The following HIP1 variants were observed in gnomAD, a reference collection of about 807,000 sequenced individuals.
HIP1 encodes huntingtin-interacting protein 1.
A neutral mutation model predicts 147.6 loss-of-function variants in HIP1; 65 were observed. The observed-to-expected ratio is 0.44, with a 90% CI of 0.36 to 0.54. HIP1 has a LOEUF of 0.54. HIP1 is among the 20% of genes least tolerant of loss of function. The pLI, the probability that HIP1 is intolerant of heterozygous loss-of-function variation, is 0.00. For missense variants in HIP1, 1,061 were observed against 1,299.6 expected, an observed-to-expected ratio of 0.82 and a Z score of 2.82; for synonymous variants, 479 against 504.0, an observed-to-expected ratio of 0.95 and a Z score of 0.67.
At chr7:75,584,170 C>T (rs979241967) in intron 5 of HIP1, among the ~76,000 whole-genome samples, 1 of 143,750 alleles carries the variant, frequency 7.0e-6, no homozygotes, top group African/African-American at 2.6e-5. Flanking sequence ...CACCATGTTG[C>T]CCAGGCTGGT....
intron 1 of HIP1, among the ~76,000 whole-genome samples, chr7:75,655,224 A>T (rs1272559477): frequency 6.6e-6 from 1 of 152,170 alleles, no homozygotes; most frequent in Non-Finnish European, 1.5e-5. Context: ...ATAGAAAGGA[A>T]TGAGGTTCTG....
chr7:75,558,235 G>A lies in HIP1; in HGVS notation c.1396C>T (p.Gln466Ter). 6.2e-7 allele frequency: 1 copy of A among 1,614,102 alleles called. No homozygotes were observed. Among genetic ancestry groups the A allele is most frequent in the Non-Finnish European group, 8.5e-7 (1 of 1,179,946 alleles). The change falls in exon 15 of 31, where the codon CAG becomes TAG. Residue 466 changes from glutamine to a stop codon, truncating the protein, a stop_gained. Coordinates refer to ENST00000336926, the MANE Select transcript of HIP1 (RefSeq NM_005338.7). LOFTEE classifies it high-confidence loss of function. ...TTCTCCTTTAGCTTGCTATATCGCT[G>A]TTCATTGGCTTGAGCTTTCCCTGTA... The part of the protein sequence containing the change: ...EIERKAQANE[Q>*]RYSKLKEKYS...
In HIP1 at chr7:75,559,899, A is replaced by G. The variant is rs1795161679; in HGVS notation, c.1208T>C (p.Leu403Pro). 1.2e-6 allele frequency: 2 copies of G among 1,606,358 alleles called. No homozygotes were observed. The highest frequency in any genetic ancestry group is 2.2e-5 in the East Asian group (1 of 44,800). ...NMKTESQRVV[L>P]QLKGHVSELE... ...CTCGCTGACGTGGCCCTTCAGCTGC[A>G]GCACAACCCGCTGGCTCTGTGGGGG... is the stretch of plus-strand genomic sequence containing the variant. Residue 403 changes from leucine (L) to proline (P), a missense_variant, in exon 14 of 31, where the codon CTG becomes CCG. By Grantham distance (98) the Leu-to-Pro change is moderately conservative (BLOSUM62 -3). Around this residue, in one of 3 missense-constraint regions of HIP1, gnomAD observed 810 missense variants for 946.8 expected, o/e 0.86. Coordinates refer to ENST00000336926, the MANE Select transcript of HIP1 (RefSeq NM_005338.7).
At chr7:75,663,947 T>TATATGTGTATATAC (rs1799400540) in intron 1 of HIP1, among the ~76,000 whole-genome samples, 2 of 104,426 alleles carry the variant, frequency 1.9e-5, no homozygotes, top group Non-Finnish European at 3.9e-5. Context: ...TATATATATA[T>TATATGTGTATATAC]ACACATATAT....
At chr7:75,542,100 G>A (rs1794345042) in intron 28 of HIP1, 120 bp from the exon 29 acceptor site, 1 of 806,072 alleles carries the variant, frequency 1.2e-6, no homozygotes. Context: ...AACACTGCAT[G>A]AAAGTAAGTG....
chr7:75,583,754 ATTT>A, intron 5 of HIP1, among the ~76,000 whole-genome samples: 1 of 83,704 alleles, frequency 1.2e-5, no homozygotes, highest in Non-Finnish European at 2.5e-5. Context: ...ATGCGGGCTA[ATTT>A]GTGTGTGTGT....
At chr7:75,685,486 G>A (rs1255757884) in intron 1 of HIP1, among the ~76,000 whole-genome samples, 1 of 152,182 alleles carries the variant, frequency 6.6e-6, no homozygotes, top group Non-Finnish European at 1.5e-5. Flanking sequence ...TTTCCACTGG[G>A]TTGCGGTTTC....
chr7:75,645,836 G>C (rs1798783681), intron 1 of HIP1, among the ~76,000 whole-genome samples: 1 of 152,202 alleles, frequency 6.6e-6, no homozygotes, highest in South Asian at 2.1e-4. Context: ...AATTAACACA[G>C]AAACAGAAAA....
chr7:75,558,315 C>CA (rs1385753419), intron 14 of HIP1, 60 bp from the exon 15 acceptor site: 1 of 1,320,092 alleles, frequency 7.6e-7, no homozygotes, highest in Non-Finnish European at 1.1e-6. Flanking sequence ...GCCTTCCTTG[C>CA]AATGAGCCAG....
At chr7:75,572,260 A>G (rs1048583128) in intron 8 of HIP1, among the ~76,000 whole-genome samples, 6 of 151,870 alleles carry the variant, frequency 4.0e-5, no homozygotes, top group African/African-American at 1.5e-4. Flanking sequence ...GAACTTCTGT[A>G]AGACCAGAAC....
In HIP1 at chr7:75,535,745, C is replaced by G. The variant is rs587627326; in HGVS notation, c.*2427G>C. ...TTTTTTTTTGAGACGGAGTTTTGCT[C>G]TTGTTGCCCAGGCTGGAGTACAATG... On this transcript the variant is annotated 3_prime_UTR_variant, in exon 31 of 31. Coordinates refer to ENST00000336926, the MANE Select transcript of HIP1 (RefSeq NM_005338.7). 13 of 169,590 alleles carry G rather than the reference C, an allele frequency of 7.7e-5. No homozygotes were observed. In the East Asian group the frequency reaches 1.3e-3, roughly 17 times the overall value. The allele number at this position is 169,590 out of a possible 1,614,324, so 10.5% of individuals were successfully genotyped here.
intron 2 of HIP1, 42 bp from the exon 3 acceptor site, chr7:75,592,556 T>TCACTGCAGGGGACTGAGCCTGCACCCAGC: frequency 3.1e-6 from 5 of 1,596,780 alleles, no homozygotes; most frequent in South Asian, 1.1e-5. Flanking sequence ...GCTCTGCCAG[T>TCACTGCAGGGGACTGAGCCTGCACCCAGC]CACTGCAGGG....
rs1554493679 is a variant in HIP1 at position 75,557,661 on chromosome 7, T to C, written c.1574A>G (p.Gln525Arg). 6.2e-7 allele frequency: 1 copy of C among 1,612,370 alleles called. No homozygotes were observed. Among genetic ancestry groups the C allele is most frequent in the East Asian group, 2.2e-5 (1 of 44,858 alleles). The change falls in exon 16 of 31, where the codon CAG becomes CGG. Residue 525 changes from glutamine to arginine, a missense_variant. By Grantham distance (43) the Gln-to-Arg change is conservative. This residue lies in a region of HIP1 where 810 missense variants were observed against 946.8 expected (regional missense o/e 0.86). Transcript: ENST00000336926. ...DSLERISDQG[Q>R]RKTQEQLEVL... ...GCTCCTCGTCCCACTCACCTTCCGC[T>C]GGCCCTGGTCACTGATGCGCTCCAA... is the stretch of plus-strand genomic sequence containing the variant.
Position 75,568,328 on chromosome 7 carries a change from A to AG in HIP1, c.746-73dup, listed in dbSNP as rs1223117498. 4.1e-6 allele frequency: 4 copies of AG among 964,068 alleles called. No individual in the cohort carries two copies. The Admixed American group carries it at 5.1e-5, about 12-fold the overall frequency. 59.7% of individuals were successfully genotyped at this position (964,068 alleles called of 1,614,324 possible). ...CAGGGAAGCCACAGCGGGGCTCTCG[A>AG]GGGGGAGGGGCCCAGCTACCCTGGG... On this transcript the variant is annotated intron_variant, in intron 8 of 30. Coordinates refer to ENST00000336926, the MANE Select transcript of HIP1 (RefSeq NM_005338.7). The surrounding 1 kb of genome is among the most constrained non-coding windows in gnomAD (Gnocchi z 4.1).
chr7:75,672,474 G>A (rs922076569), intron 1 of HIP1, among the ~76,000 whole-genome samples: 3 of 152,030 alleles, frequency 2.0e-5, no homozygotes, highest in Non-Finnish European at 4.4e-5. Flanking sequence ...CTACAGGCAT[G>A]CATCAGCACA....
chr7:75,614,183 G>A (rs587700512), intron 1 of HIP1, among the ~76,000 whole-genome samples: 1 of 152,306 alleles, frequency 6.6e-6, no homozygotes, highest in East Asian at 1.9e-4. Context: ...CTGAGTAGCT[G>A]GGATTATAGG....
At chr7:75,728,812 ACAGGGAC>A (rs1460539428) in intron 1 of HIP1, among the ~76,000 whole-genome samples, 2 of 144,896 alleles carry the variant, frequency 1.4e-5, no homozygotes, top group Non-Finnish European at 3.0e-5. Context: ...AAAAAAAAGG[ACAGGGAC>A]CAGGGACCAG....
chr7:75,662,446 C>G (rs1002925784), intron 1 of HIP1, among the ~76,000 whole-genome samples: 19 of 152,128 alleles, frequency 1.2e-4, no homozygotes, highest in African/African-American at 4.6e-4. Context: ...CCCCAGTGCT[C>G]AGACTACAAG....
At chr7:75,630,458 CAAA>C (rs34336932) in intron 1 of HIP1, among the ~76,000 whole-genome samples, 24,703 of 105,154 alleles carry the variant, frequency 0.23, 2,695 homozygotes, top group African/African-American at 0.4. Context: ...AGATCCACCT[CAAA>C]AAAAAAAAAA....
Sources: allele counts gnomAD v4.1 joint callset (sites outside exome capture counted in the v4.1 genomes callset), GRCh38; gene constraint gnomAD v4.1.1; regional missense constraint gnomAD v4.1.1; non-coding constraint Gnocchi (gnomAD v3.1); transcripts MANE v1.5; gene names NCBI Gene and HGNC (gene_info 2026-07-23, HGNC 2026-07-21).